YEATS4: variants seen among roughly 807,000 people sequenced by gnomAD.
YEATS4 encodes the protein YEATS domain-containing protein 4.
A neutral mutation model predicts 30.1 loss-of-function variants in YEATS4; 17 were observed. That is an observed-to-expected ratio of 0.56 (90% CI 0.39 to 0.85). YEATS4 has a LOEUF of 0.85. Ranked by LOEUF, YEATS4 falls within the 40% of genes least tolerant of loss-of-function variation. The pLI is 0.00. For synonymous variants in YEATS4, 85 were observed against 87.5 expected (o/e 0.97, Z 0.16); for missense variants, 142 against 268.3 (o/e 0.53, Z 3.29).
At chr12:69,361,491 G>T (rs1875206463) in intron 1 of YEATS4, 1 of 152,274 alleles carries the variant, frequency 6.6e-6, no homozygotes, top group African/African-American at 2.4e-5. Context: ...GGGCTTCTCC[G>T]TGTTGGTCAG....
At chr12:69,390,023 A>C (rs1157084954) in intron 6 of YEATS4, 124 bp from the exon 7 acceptor site, 13 of 767,064 alleles carry the variant, frequency 1.7e-5, no homozygotes, top group Non-Finnish European at 2.3e-5. Context: ...TAATGTTGTA[A>C]TTCTTAAGTT....
At chr12:69,362,023 T>TTTTTGTTTTTG (rs1208977057) in intron 1 of YEATS4, among the ~76,000 whole-genome samples, 2 of 143,320 alleles carry the variant, frequency 1.4e-5, no homozygotes, top group African/African-American at 2.6e-5. Context: ...GTTTTTTTTT[T>TTTTTGTTTTTG]TTTTTTTTTT....
At chr12:69,377,509 C>T (rs1418242490) in intron 6 of YEATS4, among the ~76,000 whole-genome samples, 6 of 152,156 alleles carry the variant, frequency 3.9e-5, no homozygotes, top group African/African-American at 1.4e-4. Flanking sequence ...GATCCTCCCA[C>T]CTCAGCCTCC....
chr12:69,401,567 G>C, the YEATS4 span, among the ~76,000 whole-genome samples: 2 of 152,208 alleles, frequency 1.3e-5, no homozygotes, highest in Non-Finnish European at 2.9e-5. Flanking sequence ...CCCATGGCCC[G>C]ATGGCAATCT....
At chr12:69,419,427 G>T in the YEATS4 span, among the ~76,000 whole-genome samples, 22 of 151,820 alleles carry the variant, frequency 1.4e-4, no homozygotes, top group Non-Finnish European at 2.4e-4. Flanking sequence ...TTGTTATGTT[G>T]CCCAGGCTGG....
At chr12:69,373,981 T>C (rs1875743189) in intron 6 of YEATS4, among the ~76,000 whole-genome samples, 1 of 152,168 alleles carries the variant, frequency 6.6e-6, no homozygotes, top group Non-Finnish European at 1.5e-5. Context: ...GTTCCGTTGG[T>C]TTATGTGTCT....
chr12:69,365,387 G>T (rs1381158242), intron 2 of YEATS4, among the ~76,000 whole-genome samples: 1 of 151,136 alleles, frequency 6.6e-6, no homozygotes, highest in Non-Finnish European at 1.5e-5. Flanking sequence ...GGTCAGGGAA[G>T]TTGCAGTGAG....
At chr12:69,372,824 C>T (rs138283355) in intron 6 of YEATS4, among the ~76,000 whole-genome samples, 2 of 152,226 alleles carry the variant, frequency 1.3e-5, no homozygotes, top group East Asian at 3.9e-4. Flanking sequence ...AGGCATGAGC[C>T]ACCACACCCA....
chr12:69,360,596 A>T (rs1592845073), intron 1 of YEATS4, among the ~76,000 whole-genome samples: 2 of 152,182 alleles, frequency 1.3e-5, no homozygotes, highest in East Asian at 3.9e-4. Context: ...TTTTGATGAA[A>T]TTACCATAGA....
rs1428301319 is a variant in YEATS4 at position 69,375,592 on chromosome 12, C to T, written c.514+4617C>T. 2.6e-5 allele frequency among the ~76,000 whole-genome samples: 4 copies of T among 152,204 alleles called. No individual in the cohort carries two copies. The East Asian group carries it at 7.7e-4, about 29-fold the overall frequency. On this transcript the variant is annotated intron_variant, in intron 6 of 6. Coordinates refer to ENST00000247843, the MANE Select transcript of YEATS4 (RefSeq NM_006530.4). ...GTTGTAGCGAGCAGAGATCACGCCA[C>T]TGCACTCCAGCCTGGGCAACATTGA...
chr12:69,423,554 T>C, the YEATS4 span, among the ~76,000 whole-genome samples: 1 of 152,178 alleles, frequency 6.6e-6, no homozygotes, highest in African/African-American at 2.4e-5. Context: ...ATTCCGGGAA[T>C]CTCAGCTAAT....
At chr12:69,367,920 C>A (rs979909385) in intron 4 of YEATS4, among the ~76,000 whole-genome samples, 16 of 152,122 alleles carry the variant, frequency 1.1e-4, no homozygotes, top group Non-Finnish European at 1.5e-5. Context: ...GTCTCCTCAT[C>A]TGTTACCCCT....
chr12:69,359,747 T>G lies in YEATS4; in HGVS notation c.-226T>G, dbSNP rs1875100041. On this transcript the variant is annotated 5_prime_UTR_variant, in exon 1 of 7. Coordinates refer to ENST00000247843, the MANE Select transcript of YEATS4 (RefSeq NM_006530.4). ...CGCGCGGTGCGGCCGTCGCCCCTCT[T>G]TTCGCGGCGTTCTCCACCTGCGCGG... 3.6e-6 allele frequency: 2 copies of G among 550,098 alleles called. No homozygotes were observed. Among genetic ancestry groups the G allele is most frequent in the African/African-American group, 2.0e-5 (1 of 51,226 alleles). The allele number at this position is 550,098 out of a possible 1,614,324, so 34.1% of individuals were successfully genotyped here.
intron 6 of YEATS4, among the ~76,000 whole-genome samples, chr12:69,372,853 T>G (rs1014155115): frequency 1.3e-5 from 2 of 149,196 alleles, no homozygotes; most frequent in African/African-American, 5.0e-5. Context: ...GTTTTAATTT[T>G]TAGCTCCCAC....
Position 69,362,817 on chromosome 12 carries a change from CGGTAATGTT to C in YEATS4, c.83_91del (p.Gly28_Val30del), listed in dbSNP as rs1314511375. ...TTACTATCGTTAAACCAATAGTTTA[CGGTAATGTT>C]GCTCGGTATTTTGGAAAGAAAAGAG... is the stretch of plus-strand genomic sequence containing the variant. On this transcript the variant is annotated inframe_deletion, in exon 2 of 7. Transcript: ENST00000247843. 1.9e-6 allele frequency: 3 copies of C among 1,610,210 alleles called. No homozygotes were observed. Among genetic ancestry groups the C allele is most frequent in the Non-Finnish European group, 2.5e-6 (3 of 1,177,578 alleles).
the YEATS4 span, among the ~76,000 whole-genome samples, chr12:69,420,968 G>A: frequency 6.6e-6 from 1 of 152,128 alleles, no homozygotes; most frequent in African/African-American, 2.4e-5. Context: ...GTTGTGGCTG[G>A]CTTCACTACT....
chr12:69,405,491 A>G, the YEATS4 span, among the ~76,000 whole-genome samples: 6 of 152,152 alleles, frequency 3.9e-5, no homozygotes, highest in Non-Finnish European at 7.3e-5. Flanking sequence ...CTTTTCACTT[A>G]AAAGAAGCAC....
intron 6 of YEATS4, among the ~76,000 whole-genome samples, chr12:69,388,193 T>TC (rs2121071730): frequency 6.6e-6 from 1 of 152,314 alleles, no homozygotes; most frequent in East Asian, 1.9e-4. Context: ...CACGCGTAGC[T>TC]GGGACTACAA....
At chr12:69,380,689 G>C (rs191180722) in intron 6 of YEATS4, among the ~76,000 whole-genome samples, 3 of 152,068 alleles carry the variant, frequency 2.0e-5, no homozygotes, top group Non-Finnish European at 4.4e-5. Flanking sequence ...AATTCAGCCA[G>C]ATATCGGGTG....
Sources: allele counts gnomAD v4.1 joint callset (sites outside exome capture counted in the v4.1 genomes callset), GRCh38; gene constraint gnomAD v4.1.1; transcripts MANE v1.5; gene names NCBI Gene and HGNC (gene_info 2026-07-23, HGNC 2026-07-21).